The following WNK2 variants were observed in gnomAD, a reference collection of about 807,000 sequenced individuals.
WNK2 encodes serine/threonine-protein kinase WNK2.
WNK2 carries 67 observed loss-of-function variants against 192.1 expected under a neutral mutation model. The observed-to-expected ratio is 0.35, with a 90% CI of 0.29 to 0.43. The LOEUF (loss-of-function observed/expected upper bound fraction) is 0.43. Ranked by LOEUF, WNK2 falls within the 20% of genes least tolerant of loss-of-function variation. The pLI, the probability that WNK2 is intolerant of heterozygous loss-of-function variation, is 1.00. For missense variants in WNK2, 2,698 were observed against 3,089.7 expected (o/e 0.87, Z 3.01); for synonymous variants, 1,439 against 1,393.9 (o/e 1.03, Z -0.72).
intron 2 of WNK2, among the ~76,000 whole-genome samples, chr9:93,202,606 G>A (rs184343161): frequency 5.8e-4 from 88 of 151,936 alleles, no homozygotes; most frequent in African/African-American, 1.9e-3. Flanking sequence ...AAAGGGTTCC[G>A]CTGTGTTTTC....
At chr9:93,260,980 G>T (rs1222858213) in intron 12 of WNK2, among the ~76,000 whole-genome samples, 1 of 152,194 alleles carries the variant, frequency 6.6e-6, no homozygotes, top group East Asian at 1.9e-4. Context: ...GCCAGACTCA[G>T]TGGCTGTCCC....
intron 16 of WNK2, 89 bp downstream of exon 16, chr9:93,264,122 G>GTT: frequency 9.7e-7 from 1 of 1,025,666 alleles, no homozygotes; most frequent in Non-Finnish European, 1.5e-6. Context: ...TGTCGAGCCT[G>GTT]GCCTTGTGTG....
chr9:93,250,105 A>G (rs774309164), intron 8 of WNK2, among the ~76,000 whole-genome samples: 2 of 152,018 alleles, frequency 1.3e-5, no homozygotes, highest in Non-Finnish European at 2.9e-5. Context: ...TACAAAAATA[A>G]TAATACAAAA....
intron 26 of WNK2, 56 bp downstream of exon 26, chr9:93,300,205 C>T (rs920685476): frequency 2.1e-6 from 3 of 1,396,080 alleles, no homozygotes; most frequent in Admixed American, 1.7e-5. Flanking sequence ...TTTCTCCCCC[C>T]ACCCCCTCCC....
At chr9:93,290,518 C>T (rs1056651081) in intron 21 of WNK2, among the ~76,000 whole-genome samples, 2 of 152,158 alleles carry the variant, frequency 1.3e-5, no homozygotes, top group Non-Finnish European at 2.9e-5. Context: ...GAGATGAAGT[C>T]CTCTGGGGAA....
At chr9:93,306,868 C>T (rs1488733345) in intron 27 of WNK2, 47 bp downstream of exon 27, 1 of 1,612,848 alleles carries the variant, frequency 6.2e-7, no homozygotes, top group Non-Finnish European at 8.5e-7. Flanking sequence ...ATCGCATGGG[C>T]TTTCTCGTGG....
At chr9:93,317,936 C>A (rs550342502) in intron 29 of WNK2, 317 of 1,606,100 alleles carry the variant, frequency 2.0e-4, no homozygotes, top group Admixed American at 4.9e-4. Flanking sequence ...CCCCCCACCG[C>A]CTGCTGTGGG....
intron 19 of WNK2, among the ~76,000 whole-genome samples, chr9:93,277,148 G>C (rs1847052199): frequency 6.6e-6 from 1 of 152,144 alleles, no homozygotes; most frequent in Non-Finnish European, 1.5e-5. Flanking sequence ...TTGACTACTG[G>C]GGAAATGCAA....
chr9:93,289,545 C>T lies in WNK2; in HGVS notation c.4791C>T (p.Val1597=). ...GAGGGGACCAGCCCCGCTCAGAGGT[C>T]TGCGGGGGGGACCTGGCCCTGCCCC... ...PLRGDQPRSE[V]CGGDLALPPV... The change falls in exon 20 of 30, where the codon GTC becomes GTT. Residue 1597 remains valine, a synonymous_variant. Transcript: ENST00000427277. 2 of 1,573,196 alleles carry T rather than the reference C, an allele frequency of 1.3e-6. No individual in the cohort carries two copies. The highest frequency in any genetic ancestry group is 1.1e-5 in the South Asian group (1 of 87,744).
At chr9:93,190,927 G>A (rs1830227052) in intron 2 of WNK2, among the ~76,000 whole-genome samples, 1 of 152,176 alleles carries the variant, frequency 6.6e-6, no homozygotes, top group Admixed American at 6.5e-5. Flanking sequence ...ACCCAGATGG[G>A]GACAGTCTAT....
At chr9:93,206,377 C>A (rs1833390162) in intron 2 of WNK2, among the ~76,000 whole-genome samples, 1 of 152,172 alleles carries the variant, frequency 6.6e-6, no homozygotes, top group South Asian at 2.1e-4. Context: ...CCCTTCACCG[C>A]CCTGGCCTTG....
Position 93,257,545 on chromosome 9 carries a change from C to G in WNK2, c.2382+406C>G, listed in dbSNP as rs571539262. Among the ~76,000 whole-genome samples the G allele has an allele frequency of 3.9e-5, 6 of 152,210 alleles. No individual in the cohort carries two copies. The highest frequency in any genetic ancestry group is 7.4e-5 in the Non-Finnish European group (5 of 68,026). ...AGGTGCCCATCTGCCCTCAGCTTAC[C>G]CATGTGCCCAGGCTCATCCAGGATA... On this transcript the variant is annotated intron_variant, in intron 11 of 29. Transcript: ENST00000427277. The surrounding 1 kb of genome is among the most constrained non-coding windows in gnomAD (Gnocchi z 4.7).
intron 19 of WNK2, among the ~76,000 whole-genome samples, chr9:93,271,031 A>G (rs1273785499): frequency 6.6e-6 from 1 of 152,174 alleles, no homozygotes; most frequent in Non-Finnish European, 1.5e-5. Flanking sequence ...GTAACCCTAT[A>G]AAGTTGTTTA....
chr9:93,250,261 C>T (rs1024576712), intron 8 of WNK2, among the ~76,000 whole-genome samples: 8 of 152,142 alleles, frequency 5.3e-5, no homozygotes, highest in Non-Finnish European at 7.3e-5. Context: ...GCATGCCCCA[C>T]GTGTGTGTAC....
rs533493274 is a variant in WNK2 at position 93,287,547 on chromosome 9, G to A, written c.4034-1241G>A. On this transcript the variant is annotated intron_variant, in intron 19 of 29. Transcript: ENST00000427277. ...ATTCCATTGATAGAACGTGCAGCACGACCATCATGTTTAGACAGACGAACG... is the reference window on the plus strand; with the variant it reads ...ATTCCATTGATAGAACGTGCAGCACAACCATCATGTTTAGACAGACGAACG... 2.0e-5 allele frequency among the ~76,000 whole-genome samples: 3 copies of A among 152,276 alleles called. No homozygotes were observed. The South Asian group carries it at 6.2e-4, about 32-fold the overall frequency.
intron 21 of WNK2, among the ~76,000 whole-genome samples, chr9:93,290,332 C>CT (rs376431200): frequency 0.015 from 2,089 of 138,606 alleles, 47 homozygotes; most frequent in Admixed American, 0.059. Context: ...TTCTTATGAG[C>CT]TTTTTTTTTT....
chr9:93,247,490 G>A lies in WNK2; in HGVS notation c.1543-53G>A, dbSNP rs1474133702. ...GGAAAGCACTTTAGGTAAGGGGTGT[G>A]GGCCGGTGAGGGCTGATCCCCAGCG... On this transcript the variant is annotated intron_variant, in intron 7 of 29. Transcript: ENST00000427277. The surrounding 1 kb of genome is among the most constrained non-coding windows in gnomAD (Gnocchi z 5.2). The A allele has an allele frequency of 4.5e-6, 7 of 1,567,418 alleles. No homozygotes were observed. Among genetic ancestry groups the A allele is most frequent in the Non-Finnish European group, 5.2e-6 (6 of 1,153,162 alleles).
chr9:93,274,135 A>G (rs1224954340), intron 19 of WNK2, among the ~76,000 whole-genome samples: 2 of 152,246 alleles, frequency 1.3e-5, no homozygotes, highest in African/African-American at 4.8e-5. Flanking sequence ...AATCACAGGC[A>G]AAAACCAATG....
intron 9 of WNK2, among the ~76,000 whole-genome samples, chr9:93,254,410 G>A (rs1019515636): frequency 2.6e-5 from 4 of 152,180 alleles, no homozygotes; most frequent in Admixed American, 2.0e-4. Flanking sequence ...TCTTGATGTC[G>A]GCTGAGCGTG....
Sources: gnomAD v4.1 joint callset for allele counts (sites outside exome capture counted in the v4.1 genomes callset) on GRCh38, gnomAD v4.1.1 for gene constraint, Gnocchi (gnomAD v3.1) non-coding constraint, MANE v1.5 for transcripts, NCBI Gene and HGNC (gene_info 2026-07-23, HGNC 2026-07-21) for gene names.